POLRMT: variants seen among roughly 807,000 people sequenced by gnomAD.
The protein encoded by POLRMT is RNA polymerase mitochondrial.
In POLRMT, 114 loss-of-function variants were observed where a neutral mutation model predicts 132.2. The ratio of observed to expected loss-of-function variants is 0.86; its 90% CI spans 0.74 to 1.01. The LOEUF (loss-of-function observed/expected upper bound fraction) is 1.01, where lower values mean the gene tolerates loss of function less well. POLRMT is among the 50% of genes least tolerant of loss of function. The pLI is 0.00. For synonymous variants in POLRMT, 1,020 were observed against 773.4 expected, an observed-to-expected ratio of 1.32 and a Z score of -5.29; for missense variants, 2,003 against 1,729.1, an observed-to-expected ratio of 1.16 and a Z score of -2.81.
chr19:622,413 C>G, intron 8 of POLRMT, 40 bp from the exon 9 acceptor site: 3 of 1,510,194 alleles, frequency 2.0e-6, no homozygotes, highest in Non-Finnish European at 2.7e-6. Context: ...CACCGGGGCC[C>G]CTGAGCTAGA....
In POLRMT at chr19:629,980, T is replaced by TC. The variant is rs946107851; in HGVS notation, c.381dup (p.Lys128GlufsTer3). On this transcript the variant is annotated frameshift_variant, in exon 3 of 21. Coordinates refer to ENST00000588649, the MANE Select transcript of POLRMT (RefSeq NM_005035.4). LOFTEE classifies it high-confidence loss of function. ...CGCATCTGCTGGGTCCGCTTATCCT[T>TC]CTCCAGTATCTTTGCCCAGCGGCCA... 1.2e-6 allele frequency: 2 copies of TC among 1,613,660 alleles called. No homozygotes were observed. The highest frequency in any genetic ancestry group is 2.7e-5 in the African/African-American group (2 of 74,902).
intron 4 of POLRMT, 35 bp downstream of exon 4, chr19:625,089 T>TGGTGGGGGGTGGGG: frequency 6.3e-7 from 1 of 1,599,972 alleles, no homozygotes; most frequent in South Asian, 1.1e-5. Flanking sequence ...GGGAGGGACA[T>TGGTGGGGGGTGGGG]GGTGGGGGGT....
In POLRMT at chr19:630,131, G is replaced by C. The variant is rs755742829; in HGVS notation, c.231C>G (p.Ser77Arg). The change falls in exon 3 of 21, where the codon AGC becomes AGG. Residue 77 changes from serine to arginine, a missense_variant. By Grantham distance (110) the Ser-to-Arg change is moderately radical (BLOSUM62 -1). Coordinates refer to ENST00000588649, the MANE Select transcript of POLRMT (RefSeq NM_005035.4). The part of the protein sequence containing the change: ...QARVRQLQAE[S>R]VSEVVVNRVD... ...CCCTGTTCACCACCACCTCCGACAC[G>C]CTCTCAGCCTGCAGCTGCCGCACCC... 6.2e-7 allele frequency: 1 copy of C among 1,607,224 alleles called. No homozygotes were observed. Among genetic ancestry groups the C allele is most frequent in the African/African-American group, 1.3e-5 (1 of 74,834 alleles).
At chr19:630,274 C>T in intron 2 of POLRMT, 106 bp from the exon 3 acceptor site, 1 of 1,358,550 alleles carries the variant, frequency 7.4e-7, no homozygotes, top group Non-Finnish European at 9.9e-7. Flanking sequence ...GCTGAGCTCG[C>T]TGGGACCCAA....
intron 2 of POLRMT, 54 bp downstream of exon 2, chr19:632,780 C>A: frequency 1.4e-6 from 2 of 1,434,834 alleles, no homozygotes; most frequent in Non-Finnish European, 9.4e-7. Flanking sequence ...CCTTTTCTCC[C>A]GGCAGCAGGG....
Position 617,343 on chromosome 19 carries a change from G to A in POLRMT, c.3644-20C>T, listed in dbSNP as rs1216257097. 7 of 1,612,616 alleles carry A rather than the reference G, an allele frequency of 4.3e-6. No homozygotes were observed. The African/African-American group carries it at 8.0e-5, about 18-fold the overall frequency. ...AGGCCCCTGCGGAGGAAGCAGAGCG[G>A]ACGGCGTGGGTGGCGGGAAAGCCCC... On this transcript the variant is annotated intron_variant, in intron 20 of 20. Transcript: ENST00000588649.
At chr19:628,402 C>G (rs1482577188) in intron 3 of POLRMT, among the ~76,000 whole-genome samples, 1 of 152,208 alleles carries the variant, frequency 6.6e-6, no homozygotes, top group Non-Finnish European at 1.5e-5. Flanking sequence ...CCAGGCAGCA[C>G]GCCGCCTCCA....
In POLRMT at chr19:617,287, T is replaced by C. The variant is rs776436676; in HGVS notation, c.3680A>G (p.Tyr1227Cys). 3.1e-6 allele frequency: 5 copies of C among 1,612,620 alleles called. No homozygotes were observed. Among genetic ancestry groups the C allele is most frequent in the African/African-American group, 1.3e-5 (1 of 74,884 alleles). ...GCTCACGGGGTGTCAGCTGAAGAAG[T>C]AGGTGGAACGCTTCACCTGCTCCAG... is the stretch of plus-strand genomic sequence containing the variant. ...FDLEQVKRST[Y>C]FFS The change falls in exon 21 of 21, where the codon TAC becomes TGC. Residue 1227 changes from tyrosine to cysteine, a missense_variant. Coordinates refer to ENST00000588649, the MANE Select transcript of POLRMT (RefSeq NM_005035.4).
In POLRMT at chr19:619,734, C is replaced by A; in HGVS notation, c.2918G>T (p.Arg973Leu). 6.3e-7 allele frequency: 1 copy of A among 1,594,988 alleles called. No individual in the cohort carries two copies. The highest frequency in any genetic ancestry group is 8.5e-7 in the Non-Finnish European group (1 of 1,170,808). The change falls in exon 13 of 21, where the codon CGG becomes CTG. Residue 973 changes from arginine to leucine, a missense_variant. Arg to Leu is a moderately radical substitution (Grantham distance 102, BLOSUM62 -2). Coordinates refer to ENST00000588649, the MANE Select transcript of POLRMT (RefSeq NM_005035.4). Reference sequence around the variant, plus strand: ...CAGCACCTGTGCCACCCGCATGCCCCGCTGGGCGTCCTGCCTACGGAACAC... The same window carrying A: ...CAGCACCTGTGCCACCCGCATGCCCAGCTGGGCGTCCTGCCTACGGAACAC... Reference protein sequence around the residue: ...VEVFRRQDAQRGMRVAQVLEG... With the variant: ...VEVFRRQDAQLGMRVAQVLEG...
In POLRMT at chr19:629,824, G is replaced by A. The variant is rs769677300; in HGVS notation, c.538C>T (p.Arg180Cys). ...QMAGCLEDCT[R>C]QAPESPWEEQ... The stretch of plus-strand genomic sequence containing the variant: ...TCCCAGGGGCTCTCGGGGGCCTGGC[G>A]CGTGCAGTCCTCCAGGCACCCGGCC... The change falls in exon 3 of 21, where the codon CGC becomes TGC. Residue 180 changes from arginine to cysteine, a missense_variant. Coordinates refer to ENST00000588649, the MANE Select transcript of POLRMT (RefSeq NM_005035.4). 56 of 1,598,196 alleles carry A rather than the reference G, an allele frequency of 3.5e-5. No individual in the cohort carries two copies. The East Asian group carries it at 4.7e-4, about 13-fold the overall frequency.
chr19:625,397 A>C, intron 3 of POLRMT, 143 bp from the exon 4 acceptor site: 2 of 1,099,518 alleles, frequency 1.8e-6, no homozygotes, highest in Non-Finnish European at 2.6e-6. Context: ...GGGCAGACCG[A>C]TGCATCCCCC....
intron 5 of POLRMT, among the ~76,000 whole-genome samples, chr19:624,440 G>C (rs111698760): frequency 8.4e-4 from 128 of 152,256 alleles, no homozygotes; most frequent in African/African-American, 3.1e-3. Flanking sequence ...AGCCCACTGC[G>C]TGCACCTGGC....
At position 621,860 on chromosome 19, in the gene POLRMT, G is replaced by A. The variant is rs747503142; in HGVS notation, c.1852-14C>T. ...CAGGATGCCGATCTGGGGTGCGACA[G>A]GCAGACGGGTCAGGGCCCCGGTGCT... On this transcript the variant is annotated splice_polypyrimidine_tract_variant and intron_variant, in intron 9 of 20. Coordinates refer to ENST00000588649, the MANE Select transcript of POLRMT (RefSeq NM_005035.4). The A allele has an allele frequency of 3.1e-6, 5 of 1,600,610 alleles. No homozygotes were observed. The highest frequency in any genetic ancestry group is 2.7e-5 in the African/African-American group (2 of 74,940).
At chr19:633,096 T>G in intron 1 of POLRMT, 158 bp from the exon 2 acceptor site, 2 of 634,144 alleles carry the variant, frequency 3.2e-6, no homozygotes, top group Admixed American at 3.6e-5. Context: ...ACAGCGAAGG[T>G]GGAAGGGCCC....
In POLRMT at chr19:621,215, G is replaced by C. The variant is rs757190748; in HGVS notation, c.2483C>G (p.Ala828Gly). The change falls in exon 10 of 21, where the codon GCC becomes GGC. Residue 828 changes from alanine (A) to glycine (G), a missense_variant. Coordinates refer to ENST00000588649, the MANE Select transcript of POLRMT (RefSeq NM_005035.4). ...SDVARALLEFAQGRPLGPHGL... is the reference protein window; with the variant it reads ...SDVARALLEFGQGRPLGPHGL... ...GTGCGGGCCGAGCGGGCGGCCCTGG[G>C]CGAACTCCAGCAGGGCCCGCGCCAC... The C allele has an allele frequency of 6.2e-7, 1 of 1,609,988 alleles. No individual in the cohort carries two copies. Among genetic ancestry groups the C allele is most frequent in the Non-Finnish European group, 8.5e-7 (1 of 1,178,330 alleles).
chr19:632,967 G>A, intron 1 of POLRMT, 29 bp from the exon 2 acceptor site: 1 of 1,460,658 alleles, frequency 6.8e-7, no homozygotes, highest in Middle Eastern at 1.8e-4. Flanking sequence ...CGGCTGAGCG[G>A]GGCCGGGCGT....
At chr19:630,429 A>C (rs1416723734) in intron 2 of POLRMT, among the ~76,000 whole-genome samples, 2 of 152,088 alleles carry the variant, frequency 1.3e-5, no homozygotes, top group Non-Finnish European at 1.5e-5. Context: ...AACCTGCAGC[A>C]CCACGTCTCC....
intron 9 of POLRMT, 31 bp downstream of exon 9, chr19:622,118 C>T (rs766197738): frequency 1.8e-5 from 27 of 1,504,774 alleles, no homozygotes; most frequent in Non-Finnish European, 2.3e-5. Context: ...CAGCGGGATG[C>T]CCCCCAGCTC....
In POLRMT at chr19:618,692, G is replaced by A. The variant is rs1984224675; in HGVS notation, c.3323+13C>T. ...GACCCCCGGCCAGGCCCCAGCCCGGGCCCCCCACTCACCGGCTGATGTCTC... is the reference window on the plus strand; with the variant it reads ...GACCCCCGGCCAGGCCCCAGCCCGGACCCCCCACTCACCGGCTGATGTCTC... On this transcript the variant is annotated intron_variant, in intron 16 of 20. Transcript: ENST00000588649. The A allele has an allele frequency of 6.3e-7, 1 of 1,599,386 alleles. No individual in the cohort carries two copies. The highest frequency in any genetic ancestry group is 8.5e-7 in the Non-Finnish European group (1 of 1,170,494).
Sources: gnomAD v4.1 joint callset for allele counts (sites outside exome capture counted in the v4.1 genomes callset) on GRCh38, gnomAD v4.1.1 for gene constraint, MANE v1.5 for transcripts, NCBI Gene and HGNC (gene_info 2026-07-23, HGNC 2026-07-21) for gene names.